ACVRL1: variants seen among roughly 807,000 people sequenced by gnomAD.
ACVRL1 encodes activin receptor type-1-like.
In ACVRL1, 20 loss-of-function variants were observed where a neutral mutation model predicts 51.9. The observed-to-expected ratio is 0.39, with a 90% CI of 0.27 to 0.56. ACVRL1 has a LOEUF of 0.56. Among genes scored for constraint, ACVRL1 ranks in the 20% least tolerant of loss-of-function variants. The pLI, the probability that ACVRL1 is intolerant of heterozygous loss-of-function variation, is 0.67. For missense variants in ACVRL1, 451 were observed against 670.3 expected (o/e 0.67, Z 3.61); for synonymous variants, 288 against 280.9 (o/e 1.03, Z -0.25).
Position 51,917,198 on chromosome 12 carries a change from C to T in ACVRL1, c.1246+965C>T, listed in dbSNP as rs953737693. On this transcript the variant is annotated intron_variant, in intron 8 of 9. Transcript: ENST00000388922. The surrounding 1 kb of genome is among the most constrained non-coding windows in gnomAD (Gnocchi z 4.2). The stretch of plus-strand genomic sequence containing the variant: ...TTGAGGCAGCATCAGGGTCCGAAAC[C>T]GGGCAGTCTGCCCCGGGGCCAGTGC... 3.3e-5 allele frequency among the ~76,000 whole-genome samples: 5 copies of T among 152,206 alleles called. No individual in the cohort carries two copies. The highest frequency in any genetic ancestry group is 2.1e-4 in the South Asian group (1 of 4,834).
Position 51,920,931 on chromosome 12 carries a change from T to TGGGGGTGTGGGGGGGGGGGGGGG in ACVRL1, c.*43_*44insTGTGGGGGGGGGGGGGGGGGGGG. The TGGGGGTGTGGGGGGGGGGGGGGG allele has an allele frequency of 4.9e-6, 1 of 203,032 alleles. No homozygotes were observed. Among genetic ancestry groups the TGGGGGTGTGGGGGGGGGGGGGGG allele is most frequent in the East Asian group, 1.4e-4 (1 of 7,392 alleles). The allele number at this position is 203,032 out of a possible 1,614,324, so 12.6% of individuals were successfully genotyped here. A position where few individuals can be genotyped will look rare whatever the true frequency, so the allele number is the denominator to read the frequency against. On this transcript the variant is annotated 3_prime_UTR_variant, in exon 10 of 10. Coordinates refer to ENST00000388922, the MANE Select transcript of ACVRL1 (RefSeq NM_000020.3). ...TGATTCCTTTCTGCCTGCAGGGGGC[T>TGGGGGTGTGGGGGGGGGGGGGGG]GGGGGGGTGGGGGGCAGTGGATGGT...
At chr12:51,912,444 T>G in intron 1 of ACVRL1, 26 bp from the exon 2 acceptor site, 1 of 1,613,330 alleles carries the variant, frequency 6.2e-7, no homozygotes, top group South Asian at 1.1e-5. Context: ...TGGCTCTTAC[T>G]CCACCTCTCT....
At chr12:51,914,322 G>T (rs1940775939) in intron 5 of ACVRL1, 117 bp from the exon 6 acceptor site, 2 of 1,473,068 alleles carry the variant, frequency 1.4e-6, no homozygotes, top group East Asian at 2.4e-5. Context: ...TAAACCTAAG[G>T]GTCTGGGGTT....
intron 9 of ACVRL1, among the ~76,000 whole-genome samples, chr12:51,919,945 T>C (rs1940931175): frequency 6.6e-6 from 1 of 152,254 alleles, no homozygotes; most frequent in African/African-American, 2.4e-5. Context: ...TCATAGTATC[T>C]GGCTCACAAT....
intron 2 of ACVRL1, among the ~76,000 whole-genome samples, 166 bp downstream of exon 2, chr12:51,912,701 A>AC: frequency 6.6e-6 from 1 of 152,164 alleles, no homozygotes; most frequent in South Asian, 2.1e-4. Flanking sequence ...GTCCCCAGCT[A>AC]CCCCAGCCCT....
chr12:51,912,594 G>A, intron 2 of ACVRL1, 59 bp downstream of exon 2: 1 of 1,414,944 alleles, frequency 7.1e-7, no homozygotes, highest in Non-Finnish European at 1.0e-6. Context: ...GGCTATCTGG[G>A]CCCAGATCAG....
Position 51,915,241 on chromosome 12 carries a change from C to T in ACVRL1, c.789C>T (p.Asp263=). 1 of 1,614,146 alleles carries T rather than the reference C, an allele frequency of 6.2e-7. No homozygotes were observed. The highest frequency in any genetic ancestry group is 1.1e-5 in the South Asian group (1 of 91,092). The change falls in exon 7 of 10, where the codon GAC becomes GAT. Residue 263 remains aspartate, a synonymous_variant. Coordinates refer to ENST00000388922, the MANE Select transcript of ACVRL1 (RefSeq NM_000020.3). ...HDNILGFIAS[D]MTSRNSSTQL... ...TGCACACAGGCTTCATCGCCTCAGA[C>T]ATGACCTCCCGCAACTCGAGCACGC...
chr12:51,914,362 G>A (rs901733622), intron 5 of ACVRL1, 77 bp from the exon 6 acceptor site: 41 of 1,599,328 alleles, frequency 2.6e-5, no homozygotes, highest in Admixed American at 1.3e-4. Flanking sequence ...GGGAGGCAGC[G>A]CAGCATCAAG....
At position 51,921,150 on chromosome 12, in the gene ACVRL1, C is replaced by A; in HGVS notation, c.*257C>A. ...CCCCACCCCTATGGCCAGCATGGTG[C>A]ACCCCCTACCACTCCCGGGACAGGA... On this transcript the variant is annotated 3_prime_UTR_variant, in exon 10 of 10. Coordinates refer to ENST00000388922, the MANE Select transcript of ACVRL1 (RefSeq NM_000020.3). The A allele has an allele frequency of 1.9e-6, 1 of 513,742 alleles. No homozygotes were observed. The highest frequency in any genetic ancestry group is 3.6e-5 in the East Asian group (1 of 28,130). 31.8% of individuals were successfully genotyped at this position (513,742 alleles called of 1,614,324 possible).
At chr12:51,912,637 A>G (rs963695983) in intron 2 of ACVRL1, 102 bp downstream of exon 2, 2 of 998,654 alleles carry the variant, frequency 2.0e-6, no homozygotes, top group Admixed American at 2.0e-5. Flanking sequence ...GAAGCTGGGG[A>G]GAATGTAGGA....
chr12:51,914,119 G>A, intron 5 of ACVRL1, 46 bp downstream of exon 5: 2 of 1,585,440 alleles, frequency 1.3e-6, no homozygotes, highest in African/African-American at 1.3e-5. Context: ...GGGCTCTCAT[G>A]AGCCTGGAGG....
At chr12:51,919,754 G>GT (rs1051120683) in intron 9 of ACVRL1, among the ~76,000 whole-genome samples, 10 of 152,038 alleles carry the variant, frequency 6.6e-5, no homozygotes, top group African/African-American at 2.4e-4. Context: ...GTTTGTCCTT[G>GT]TTTTTTCTCA....
At position 51,915,634 on chromosome 12, in the gene ACVRL1, C is replaced by T. The variant is rs538544385; in HGVS notation, c.1048+134C>T. ...GGTGCATGTTGTTTCAGTTCTCCTC[C>T]GCAAGACCCCACGAGTTGTCTGAAC... On this transcript the variant is annotated intron_variant, in intron 7 of 9. Coordinates refer to ENST00000388922, the MANE Select transcript of ACVRL1 (RefSeq NM_000020.3). 4.7e-5 allele frequency: 57 copies of T among 1,213,404 alleles called. No homozygotes were observed. In the African/African-American group the frequency reaches 8.5e-4, roughly 18 times the overall value. The allele number at this position is 1,213,404 out of a possible 1,614,324, so 75.2% of individuals were successfully genotyped here. A position where few individuals can be genotyped will look rare whatever the true frequency, so the allele number is the denominator to read the frequency against.
rs768608853 is a variant in ACVRL1, at chr12:51,920,929, G to C, written c.*36G>C. On this transcript the variant is annotated 3_prime_UTR_variant, in exon 10 of 10. Transcript: ENST00000388922. ...CCTGATTCCTTTCTGCCTGCAGGGG[G>C]CTGGGGGGGTGGGGGGCAGTGGATG... 2 of 1,498,994 alleles carry C rather than the reference G, an allele frequency of 1.3e-6. No individual in the cohort carries two copies. The highest frequency in any genetic ancestry group is 1.2e-5 in the South Asian group (1 of 83,630). 92.9% of individuals were successfully genotyped at this position (1,498,994 alleles called of 1,614,324 possible). A position where few individuals can be genotyped will look rare whatever the true frequency, so the allele number is the denominator to read the frequency against.
Position 51,915,225 on chromosome 12 carries a change from G to T in ACVRL1, c.773G>T (p.Gly258Val). 1 of 1,614,002 alleles carries T rather than the reference G, an allele frequency of 6.2e-7. No homozygotes were observed. Among genetic ancestry groups the T allele is most frequent in the Non-Finnish European group, 8.5e-7 (1 of 1,180,030 alleles). ...TVLLRHDNIL[G>V]FIASDMTSRN... The stretch of plus-strand genomic sequence containing the variant: ...AGTCACCCAACCTTTCTGCACACAG[G>T]CTTCATCGCCTCAGACATGACCTCC... Residue 258 changes from glycine to valine, a missense_variant and splice_region_variant, in exon 7 of 10, where the codon GGC (glycine) becomes GTC (valine). Physicochemically the swap from Gly to Val is moderately radical, Grantham distance 109. This residue lies in a region of ACVRL1 where 259 missense variants were observed against 453.4 expected (regional missense o/e 0.57). Coordinates refer to ENST00000388922, the MANE Select transcript of ACVRL1 (RefSeq NM_000020.3).
chr12:51,911,820 G>C (rs1039475926), intron 1 of ACVRL1, among the ~76,000 whole-genome samples: 1 of 152,140 alleles, frequency 6.6e-6, no homozygotes, highest in African/African-American at 2.4e-5. Flanking sequence ...AGGAACTAAG[G>C]GTAGCAAGGA....
At position 51,913,602 on chromosome 12, in the gene ACVRL1, G is replaced by C. The variant is rs1403126825; in HGVS notation, c.357G>C (p.Leu119=). Residue 119 remains leucine, a synonymous_variant, in exon 4 of 10, where the codon CTG becomes CTC. Coordinates refer to ENST00000388922, the MANE Select transcript of ACVRL1 (RefSeq NM_000020.3). ...PSEQPGTDGQ[L]ALILGPVLAL... ...AGCAGCCGGGAACAGATGGCCAGCT[G>C]GCCCTGATCCTGGGCCCCGTGCTGG... 6.2e-7 allele frequency: 1 copy of C among 1,601,392 alleles called. No individual in the cohort carries two copies. Among genetic ancestry groups the C allele is most frequent in the Admixed American group, 1.7e-5 (1 of 60,016 alleles).
Position 51,920,817 on chromosome 12 carries a change from G to A in ACVRL1, c.1436G>A (p.Arg479Gln), listed in dbSNP as rs1085307426. 1.9e-6 allele frequency: 3 copies of A among 1,613,568 alleles called. No individual in the cohort carries two copies. Among genetic ancestry groups the A allele is most frequent in the Non-Finnish European group, 2.5e-6 (3 of 1,179,898 alleles). ...TGCTGGTACCCAAACCCCTCTGCCC[G>A]ACTCACCGCGCTGCGGATCAAGAAG... ...RECWYPNPSA[R>Q]LTALRIKKTL... Residue 479 changes from arginine to glutamine, a missense_variant, in exon 10 of 10, where the codon CGA becomes CAA. Physicochemically the swap from Arg to Gln is conservative, Grantham distance 43. Transcript: ENST00000388922.
rs775754117 is a variant in ACVRL1 at position 51,913,301 on chromosome 12, C to T, written c.264C>T (p.Tyr88=). Residue 88 remains tyrosine, a synonymous_variant, in exon 3 of 10, where the codon TAC becomes TAT. Transcript: ENST00000388922. ...GCCCCACCGAGTTCGTCAACCACTACTGCTGCGACAGCCACCTCTGCAACC... is the reference window on the plus strand; with the variant it reads ...GCCCCACCGAGTTCGTCAACCACTATTGCTGCGACAGCCACCTCTGCAACC... The part of the protein sequence containing the change: ...RGRPTEFVNH[Y]CCDSHLCNHN... The T allele has an allele frequency of 1.2e-6, 2 of 1,610,986 alleles. No individual in the cohort carries two copies. The highest frequency in any genetic ancestry group is 8.5e-7 in the Non-Finnish European group (1 of 1,179,020).
Sources: gnomAD v4.1 joint callset for allele counts (sites outside exome capture counted in the v4.1 genomes callset) on GRCh38, gnomAD v4.1.1 for gene constraint, gnomAD v4.1.1 regional missense constraint, Gnocchi (gnomAD v3.1) non-coding constraint, MANE v1.5 for transcripts, NCBI Gene and HGNC (gene_info 2026-07-23, HGNC 2026-07-21) for gene names.